CCDC85C: variants seen among roughly 807,000 people sequenced by gnomAD.
CCDC85C encodes coiled-coil domain-containing protein 85C.
In CCDC85C, 18 loss-of-function variants were observed where a neutral mutation model predicts 38.3. That is an observed-to-expected ratio of 0.47 (90% CI 0.33 to 0.70). The LOEUF (loss-of-function observed/expected upper bound fraction) is 0.70. CCDC85C is among the 30% of genes least tolerant of loss of function. CCDC85C has a pLI of 0.03. For synonymous variants in CCDC85C, 264 were observed against 293.8 expected, an observed-to-expected ratio of 0.90 and a Z score of 1.04; for missense variants, 566 against 621.2, an observed-to-expected ratio of 0.91 and a Z score of 0.94.
intron 1 of CCDC85C, among the ~76,000 whole-genome samples, chr14:99,577,950 C>T (rs1898526377): frequency 7.0e-6 from 1 of 143,700 alleles, no homozygotes; most frequent in African/African-American, 2.7e-5. Flanking sequence ...GTGTACACAT[C>T]TCTACACCCA....
Position 99,603,217 on chromosome 14 carries a change from TC to T in CCDC85C, c.742del (p.Asp248ThrfsTer31). On this transcript the variant is annotated frameshift_variant, in exon 1 of 6. Coordinates refer to ENST00000380243, the MANE Select transcript of CCDC85C (RefSeq NM_001144995.2). LOFTEE classifies it high-confidence loss of function. This position sits in a 1 kb window ranked among gnomAD's most constrained non-coding sequence, Gnocchi z 7.5. ...GTGGTGCGGCGGCGCCGACAAGTCG[TC>T]CAGGGACCGACGTGTGGCTCCTGCC... is the stretch of plus-strand genomic sequence containing the variant. ...GKAGATRRSL[D>X]DLSAPPHHRS... 1 of 1,428,784 alleles carries T rather than the reference TC, an allele frequency of 7.0e-7. No homozygotes were observed. Among genetic ancestry groups the T allele is most frequent in the Non-Finnish European group, 9.1e-7 (1 of 1,093,778 alleles). 88.5% of individuals were successfully genotyped at this position (1,428,784 alleles called of 1,614,324 possible). A position where few individuals can be genotyped will look rare whatever the true frequency, so the allele number is the denominator to read the frequency against.
intron 2 of CCDC85C, among the ~76,000 whole-genome samples, chr14:99,530,576 T>C (rs1232677402): frequency 6.6e-6 from 1 of 152,098 alleles, no homozygotes; most frequent in Admixed American, 6.5e-5. Context: ...GATCCCCTCT[T>C]CCCCGCCCCT....
chr14:99,590,144 C>A (rs531812609), intron 1 of CCDC85C, among the ~76,000 whole-genome samples: 6 of 152,348 alleles, frequency 3.9e-5, no homozygotes, highest in African/African-American at 1.4e-4. Flanking sequence ...CAGATCAGAG[C>A]AGCCCTGGGC....
In CCDC85C at chr14:99,572,661, G is replaced by T; in HGVS notation, c.793+30506C>A. 1 of 455,816 alleles carries T rather than the reference G, an allele frequency of 2.2e-6. No individual in the cohort carries two copies. The highest frequency in any genetic ancestry group is 4.4e-6 in the Non-Finnish European group (1 of 226,700). 28.2% of individuals were successfully genotyped at this position (455,816 alleles called of 1,614,324 possible). On this transcript the variant is annotated intron_variant, in intron 1 of 5. Coordinates refer to ENST00000380243, the MANE Select transcript of CCDC85C (RefSeq NM_001144995.2). This position sits in a 1 kb window ranked among gnomAD's most constrained non-coding sequence, Gnocchi z 4.4. ...TATCATCCAAGCCCCAGGTGACCTG[G>T]CCCCTCCTTAAGAGGCCTCCCCTGC...
intron 1 of CCDC85C, among the ~76,000 whole-genome samples, chr14:99,567,154 C>T (rs2139956937): frequency 6.6e-6 from 1 of 151,766 alleles, no homozygotes; most frequent in Non-Finnish European, 1.5e-5. Context: ...TCCCGATTCT[C>T]ATCTGCGCTG....
At position 99,580,060 on chromosome 14, in the gene CCDC85C, T is replaced by C. The variant is rs184620096; in HGVS notation, c.793+23107A>G. 1.3e-5 allele frequency: 6 copies of C among 455,530 alleles called. 1 individual carries two copies. In the East Asian group the frequency reaches 4.2e-4, roughly 32 times the overall value. The allele number at this position is 455,530 out of a possible 1,614,324, so 28.2% of individuals were successfully genotyped here. A position where few individuals can be genotyped will look rare whatever the true frequency, so the allele number is the denominator to read the frequency against. On this transcript the variant is annotated intron_variant, in intron 1 of 5. Coordinates refer to ENST00000380243, the MANE Select transcript of CCDC85C (RefSeq NM_001144995.2). ...CATGGGCAGGGCTGGCCCCTTCCTC[T>C]TGGTCTCACATTCCTAAACAGTAGA...
At chr14:99,552,161 G>A (rs1415487384) in intron 1 of CCDC85C, among the ~76,000 whole-genome samples, 7 of 152,104 alleles carry the variant, frequency 4.6e-5, no homozygotes, top group South Asian at 4.1e-4. Context: ...GCTAGCCTGC[G>A]CCCCAAAAAG....
At chr14:99,549,427 G>A (rs1897864520) in intron 1 of CCDC85C, among the ~76,000 whole-genome samples, 2 of 152,182 alleles carry the variant, frequency 1.3e-5, no homozygotes, top group South Asian at 2.1e-4. Flanking sequence ...GAGATGAGGG[G>A]TTCACAGGCG....
chr14:99,526,916 C>T (rs982801240), intron 2 of CCDC85C, among the ~76,000 whole-genome samples: 1 of 152,148 alleles, frequency 6.6e-6, no homozygotes, highest in Non-Finnish European at 1.5e-5. Context: ...GCTGGGGCCA[C>T]AGACTAGCCT....
Position 99,603,032 on chromosome 14 carries a change from G to A in CCDC85C, c.793+135C>T. 8.7e-7 allele frequency: 1 copy of A among 1,152,144 alleles called. No individual in the cohort carries two copies. The highest frequency in any genetic ancestry group is 1.1e-6 in the Non-Finnish European group (1 of 911,704). The allele number at this position is 1,152,144 out of a possible 1,614,324, so 71.4% of individuals were successfully genotyped here. ...GTGAGTGCGGGATCCCCTGGCCCAGGATCCATGACAGCTGGAGGAGTCTGG... is the reference window on the plus strand; with the variant it reads ...GTGAGTGCGGGATCCCCTGGCCCAGAATCCATGACAGCTGGAGGAGTCTGG... On this transcript the variant is annotated intron_variant, in intron 1 of 5. Coordinates refer to ENST00000380243, the MANE Select transcript of CCDC85C (RefSeq NM_001144995.2). This position sits in a 1 kb window ranked among gnomAD's most constrained non-coding sequence, Gnocchi z 7.5.
chr14:99,601,412 C>T (rs1301100769), intron 1 of CCDC85C, among the ~76,000 whole-genome samples: 2 of 152,148 alleles, frequency 1.3e-5, no homozygotes, highest in Non-Finnish European at 2.9e-5. Flanking sequence ...AGACTGGGGC[C>T]GCATCTCCTT....
chr14:99,602,600 T>C lies in CCDC85C; in HGVS notation c.793+567A>G, dbSNP rs149526686. Among the ~76,000 whole-genome samples the C allele has an allele frequency of 4.8e-3, 738 of 152,266 alleles. 3 individuals carry two copies. Among genetic ancestry groups the C allele is most frequent in the African/African-American group, 0.017 (707 of 41,534 alleles). ...CCCAGGACTAGAAGGGCGGAATTTA[T>C]GGCAAACAAGAAAGGCTCTGAGCCC... On this transcript the variant is annotated intron_variant, in intron 1 of 5. Coordinates refer to ENST00000380243, the MANE Select transcript of CCDC85C (RefSeq NM_001144995.2).
Position 99,596,274 on chromosome 14 carries a change from GC to G in CCDC85C, c.793+6892del, listed in dbSNP as rs556641536. ...AATGTCCACATGGGTTCTAAGACACGCCCCATATTACAACTGGGAAGGGAAA... is the reference window on the plus strand; with the variant it reads ...AATGTCCACATGGGTTCTAAGACACGCCCATATTACAACTGGGAAGGGAAA... On this transcript the variant is annotated intron_variant, in intron 1 of 5. Transcript: ENST00000380243. Among the ~76,000 whole-genome samples the G allele has an allele frequency of 9.2e-5, 14 of 152,302 alleles. No homozygotes were observed. The East Asian group carries it at 2.5e-3, about 27-fold the overall frequency.
Position 99,503,377 on chromosome 14 carries a change from A to G in CCDC85C, c.*11869T>C. On this transcript the variant is annotated 3_prime_UTR_variant, in exon 6 of 6. Coordinates refer to ENST00000380243, the MANE Select transcript of CCDC85C (RefSeq NM_001144995.2). ...ACTTAGTGTTTACTCAGAACTCACCATTCAGGAAAGCTAGTCATTCTGTCT... is the reference window on the plus strand; with the variant it reads ...ACTTAGTGTTTACTCAGAACTCACCGTTCAGGAAAGCTAGTCATTCTGTCT... The G allele has an allele frequency of 3.3e-6, 2 of 602,528 alleles. No homozygotes were observed. Among genetic ancestry groups the G allele is most frequent in the Non-Finnish European group, 5.9e-6 (2 of 338,380 alleles). 37.3% of individuals were successfully genotyped at this position (602,528 alleles called of 1,614,324 possible).
In CCDC85C at chr14:99,535,876, C is replaced by T. The variant is rs1897586511; in HGVS notation, c.867+139G>A. 5 of 680,088 alleles carry T rather than the reference C, an allele frequency of 7.4e-6. No individual in the cohort carries two copies. Among genetic ancestry groups the T allele is most frequent in the Non-Finnish European group, 1.0e-5 (4 of 385,756 alleles). The allele number at this position is 680,088 out of a possible 1,614,324, so 42.1% of individuals were successfully genotyped here. A position where few individuals can be genotyped will look rare whatever the true frequency, so the allele number is the denominator to read the frequency against. On this transcript the variant is annotated intron_variant, in intron 2 of 5. Coordinates refer to ENST00000380243, the MANE Select transcript of CCDC85C (RefSeq NM_001144995.2). This position sits in a 1 kb window ranked among gnomAD's most constrained non-coding sequence, Gnocchi z 5.5. ...AGCCAGGGTTAGGTCCCTGACCCCA[C>T]TTTCCAGGAGGTGACAGGTGGCAGT...
chr14:99,522,253 G>A lies in CCDC85C; in HGVS notation c.868-13C>T. 1.3e-6 allele frequency: 2 copies of A among 1,538,970 alleles called. No homozygotes were observed. The highest frequency in any genetic ancestry group is 1.8e-6 in the Non-Finnish European group (2 of 1,141,166). On this transcript the variant is annotated splice_polypyrimidine_tract_variant and intron_variant, in intron 2 of 5. Coordinates refer to ENST00000380243, the MANE Select transcript of CCDC85C (RefSeq NM_001144995.2). Reference sequence around the variant, plus strand: ...CGGAGCCTGCCTGCTGCAGGGGAGAGAAGGAGAGGGGTTAGACGGAGGGCC... The same window carrying A: ...CGGAGCCTGCCTGCTGCAGGGGAGAAAAGGAGAGGGGTTAGACGGAGGGCC...
intron 1 of CCDC85C, among the ~76,000 whole-genome samples, chr14:99,550,759 C>T (rs376414222): frequency 1.6e-4 from 24 of 152,198 alleles, no homozygotes; most frequent in African/African-American, 4.8e-4. Flanking sequence ...TCTAACTGTC[C>T]GACCTTGATG....
At position 99,548,441 on chromosome 14, in the gene CCDC85C, G is replaced by A. The variant is rs1027502283; in HGVS notation, c.794-12353C>T. Among the ~76,000 whole-genome samples, 1 of 151,972 alleles carries A rather than the reference G, an allele frequency of 6.6e-6. No individual in the cohort carries two copies. The highest frequency in any genetic ancestry group is 1.9e-4 in the East Asian group (1 of 5,182). On this transcript the variant is annotated intron_variant, in intron 1 of 5. Coordinates refer to ENST00000380243, the MANE Select transcript of CCDC85C (RefSeq NM_001144995.2). This position sits in a 1 kb window ranked among gnomAD's most constrained non-coding sequence, Gnocchi z 4.9. ...GGCCACACAGGGGATGCTGATGATC[G>A]GCGCAGCGGATCAGAGAGCAGCCTG...
intron 1 of CCDC85C, among the ~76,000 whole-genome samples, chr14:99,582,771 GC>G (rs1215401706): frequency 1.3e-5 from 2 of 152,018 alleles, no homozygotes; most frequent in African/African-American, 4.8e-5. Flanking sequence ...CTGAGATTGC[GC>G]CTCTGCACTC....
Sources: allele counts gnomAD v4.1 joint callset (sites outside exome capture counted in the v4.1 genomes callset), GRCh38; gene constraint gnomAD v4.1.1; non-coding constraint Gnocchi (gnomAD v3.1); transcripts MANE v1.5; gene names NCBI Gene and HGNC (gene_info 2026-07-23, HGNC 2026-07-21).